P3H2: variants seen among roughly 807,000 people sequenced by gnomAD.
The protein encoded by P3H2 is leprecan-like 1.
In P3H2, 80 loss-of-function variants were observed where a neutral mutation model predicts 87.0. The ratio of observed to expected loss-of-function variants is 0.92; its 90% CI spans 0.77 to 1.11. The LOEUF (loss-of-function observed/expected upper bound fraction) is 1.11, where lower values mean the gene tolerates loss of function less well. P3H2 is among the 50% of genes least tolerant of loss of function. P3H2 has a pLI of 0.00. For missense variants in P3H2, 1,001 were observed against 923.9 expected, an observed-to-expected ratio of 1.08 and a Z score of -1.08; for synonymous variants, 367 against 359.3, an observed-to-expected ratio of 1.02 and a Z score of -0.24.
At chr3:189,981,879 A>C (rs1723546452) in intron 8 of P3H2, among the ~76,000 whole-genome samples, 1 of 152,198 alleles carries the variant, frequency 6.6e-6, no homozygotes. Flanking sequence ...TGTGGCTGCA[A>C]ACTGAGGTCC....
intron 1 of P3H2, among the ~76,000 whole-genome samples, chr3:190,062,336 A>G (rs1324416744): frequency 6.6e-6 from 1 of 152,182 alleles, no homozygotes. Flanking sequence ...AATGTACATG[A>G]CAAATCCCCT....
In P3H2 at chr3:190,049,306, C is replaced by T. The variant is rs112558759; in HGVS notation, c.481-53864G>A. Among the ~76,000 whole-genome samples the T allele has an allele frequency of 3.3e-3, 494 of 151,958 alleles. 3 individuals carry two copies. The highest frequency in any genetic ancestry group is 0.011 in the African/African-American group (443 of 41,426). ...AGTCATATTAATTAAGTTCTGTGCA[C>T]GGTGCTTGCACATAAATAAAACCAG... On this transcript the variant is annotated intron_variant, in intron 1 of 14. Coordinates refer to ENST00000319332, the MANE Select transcript of P3H2 (RefSeq NM_018192.4).
chr3:190,051,669 C>A (rs74820551), intron 1 of P3H2, among the ~76,000 whole-genome samples: 15 of 152,232 alleles, frequency 9.9e-5, no homozygotes, highest in Non-Finnish European at 2.9e-5. Flanking sequence ...ACCTGCAATA[C>A]TTGTTTGTCA....
At chr3:190,012,566 C>T (rs548042667) in intron 1 of P3H2, among the ~76,000 whole-genome samples, 2 of 152,232 alleles carry the variant, frequency 1.3e-5, no homozygotes, top group Admixed American at 6.5e-5. Flanking sequence ...ACTCAGTCTC[C>T]CCTCTGGGTT....
Position 189,974,672 on chromosome 3 carries a change from G to T in P3H2, c.1338C>A (p.Leu446=). The change falls in exon 9 of 15, where the codon CTC becomes CTA. Residue 446 remains leucine, a synonymous_variant. Transcript: ENST00000319332. ...DRDLREGGPL[L]YENITFVYNS... Reference sequence around the variant, plus strand: ...TGTAGACGAATGTGATGTTCTCATAGAGTAGAGGACCACCTACAGGAACAG... The same window carrying T: ...TGTAGACGAATGTGATGTTCTCATATAGTAGAGGACCACCTACAGGAACAG... 6.2e-7 allele frequency: 1 copy of T among 1,614,216 alleles called. No individual in the cohort carries two copies. Among genetic ancestry groups the T allele is most frequent in the Non-Finnish European group, 8.5e-7 (1 of 1,180,052 alleles).
chr3:190,058,633 T>C (rs772946642), intron 1 of P3H2, among the ~76,000 whole-genome samples: 1 of 152,166 alleles, frequency 6.6e-6, no homozygotes. Context: ...TCAACATTAC[T>C]GGAAGCTGTG....
intron 14 of P3H2, among the ~76,000 whole-genome samples, chr3:189,958,699 CTTTTTTTT>C (rs71175319): frequency 1.7e-5 from 2 of 120,242 alleles, no homozygotes; most frequent in Middle Eastern, 5.0e-3. Context: ...ATTGCTCCCT[CTTTTTTTT>C]TTTTTTTTTT....
chr3:189,982,299 G>A (rs1471592722), intron 8 of P3H2, among the ~76,000 whole-genome samples: 3 of 152,122 alleles, frequency 2.0e-5, no homozygotes, highest in Non-Finnish European at 2.9e-5. Flanking sequence ...AATAAATTGT[G>A]TGCAAATTTG....
At chr3:189,974,987 C>G (rs1723305115) in intron 8 of P3H2, among the ~76,000 whole-genome samples, 1 of 152,176 alleles carries the variant, frequency 6.6e-6, no homozygotes, top group Non-Finnish European at 1.5e-5. Context: ...CTGGGCATCT[C>G]ATAGGACTCT....
chr3:190,107,964 T>A (rs1282037517), intron 1 of P3H2, among the ~76,000 whole-genome samples: 2 of 151,592 alleles, frequency 1.3e-5, no homozygotes, highest in Non-Finnish European at 2.9e-5. Flanking sequence ...ATTACCAGTA[T>A]TTTATTTTTA....
rs1193702561 is a variant in P3H2, at chr3:189,988,921, A to G, written c.941T>C (p.Phe314Ser). ...CCACGCTTTACCTCGATAGTAGGCA[A>G]ACTGTAGGTAATCATAGTGCAGAGG... is the stretch of plus-strand genomic sequence containing the variant. ...FLPLHYDYLQ[F>S]AYYRVGEYVK... The change falls in exon 4 of 15, where the codon TTT becomes TCT. Residue 314 changes from phenylalanine to serine, a missense_variant. By Grantham distance (155) the Phe-to-Ser change is radical (BLOSUM62 -2). Transcript: ENST00000319332. 4 of 1,614,020 alleles carry G rather than the reference A, an allele frequency of 2.5e-6. No homozygotes were observed. The East Asian group carries it at 8.9e-5, about 36-fold the overall frequency.
intron 1 of P3H2, among the ~76,000 whole-genome samples, chr3:190,101,663 A>C (rs764380559): frequency 7.6e-6 from 1 of 131,954 alleles, no homozygotes; most frequent in Non-Finnish European, 1.6e-5. Flanking sequence ...CCGTCTTCAT[A>C]AACATGAAAG....
At chr3:190,044,922 C>T (rs1470845051) in intron 1 of P3H2, among the ~76,000 whole-genome samples, 1 of 152,124 alleles carries the variant, frequency 6.6e-6, no homozygotes, top group Admixed American at 6.5e-5. Flanking sequence ...AATATAGATA[C>T]AACTTCTCAC....
intron 1 of P3H2, among the ~76,000 whole-genome samples, chr3:190,099,569 C>G (rs979177051): frequency 3.3e-5 from 5 of 152,098 alleles, no homozygotes; most frequent in Non-Finnish European, 7.4e-5. Flanking sequence ...TTGTGTAAAT[C>G]AGAACATGGA....
intron 1 of P3H2, among the ~76,000 whole-genome samples, chr3:190,106,418 T>C (rs1560403886): frequency 6.6e-6 from 1 of 152,166 alleles, no homozygotes; most frequent in Non-Finnish European, 1.5e-5. Context: ...CCCCTAGTGT[T>C]CTGTACCTGT....
At chr3:189,968,865 A>C (rs1055464175) in intron 13 of P3H2, among the ~76,000 whole-genome samples, 2 of 151,914 alleles carry the variant, frequency 1.3e-5, no homozygotes, top group Admixed American at 6.5e-5. Flanking sequence ...GCTTTTTTTC[A>C]TATGTTTGTT....
chr3:189,984,549 C>A lies in P3H2; in HGVS notation c.1229+1G>T, dbSNP rs756359436. On this transcript the variant is annotated splice_donor_variant, in intron 7 of 14. Transcript: ENST00000319332. LOFTEE classifies it high-confidence loss of function. ...CCAGTTTGCATTCTGAATGGACTTA[C>A]CGATTCTCATCCTGTCGTCCTCCAT... is the stretch of plus-strand genomic sequence containing the variant. 1.9e-6 allele frequency: 3 copies of A among 1,610,834 alleles called. No homozygotes were observed. The South Asian group carries it at 3.3e-5, about 18-fold the overall frequency.
At chr3:190,119,308 G>A (rs900566095) in intron 1 of P3H2, among the ~76,000 whole-genome samples, 2 of 151,984 alleles carry the variant, frequency 1.3e-5, no homozygotes, top group Admixed American at 1.3e-4. Context: ...CCACTTTTCC[G>A]GTAGCTGTAG....
At chr3:189,984,090 A>T (rs114519726) in intron 7 of P3H2, among the ~76,000 whole-genome samples, 2,085 of 151,590 alleles carry the variant, frequency 0.014, 42 homozygotes, top group African/African-American at 0.045. Context: ...AATAAAATTT[A>T]AAAAAAAATG....
Sources: gnomAD v4.1 joint callset for allele counts (sites outside exome capture counted in the v4.1 genomes callset) on GRCh38, gnomAD v4.1.1 for gene constraint, MANE v1.5 for transcripts, NCBI Gene and HGNC (gene_info 2026-07-23, HGNC 2026-07-21) for gene names.